PAPPA: variants seen among roughly 807,000 people sequenced by gnomAD.
PAPPA encodes pappalysin-1.
Under a neutral mutation model 164.0 loss-of-function variants are expected in PAPPA, and 60 were observed. The observed-to-expected ratio is 0.37, with a 90% CI of 0.30 to 0.45. The LOEUF is 0.45. Ranked by LOEUF, PAPPA falls within the 20% of genes least tolerant of loss-of-function variation. The probability of loss-of-function intolerance (pLI) is 1.00; values close to 1 mark genes in which losing one functional copy is unlikely to be tolerated. For synonymous variants in PAPPA, 875 were observed against 814.1 expected (o/e 1.07, Z -1.27); for missense variants, 1,782 against 2,087.3 (o/e 0.85, Z 2.85).
At chr9:116,376,638 A>T (rs1265278424) in intron 19 of PAPPA, among the ~76,000 whole-genome samples, 1 of 152,182 alleles carries the variant, frequency 6.6e-6, no homozygotes, top group Non-Finnish European at 1.5e-5. Context: ...AGTTGTCATT[A>T]TCTTCATCAT....
At chr9:116,254,146 A>G (rs373660486) in intron 7 of PAPPA, among the ~76,000 whole-genome samples, 36 of 152,198 alleles carry the variant, frequency 2.4e-4, no homozygotes, top group Middle Eastern at 3.4e-3. Context: ...TACAGCCCCT[A>G]CATTTTTTAG....
chr9:116,389,665 A>G (rs4836646), intron 21 of PAPPA, among the ~76,000 whole-genome samples: 147,944 of 152,136 alleles, frequency 0.97, 72,061 homozygotes, highest in East Asian at 1. Context: ...TTCTTTGGCT[A>G]AGAACCCTCT....
At chr9:116,387,210 A>C (rs1463787562) in intron 21 of PAPPA, among the ~76,000 whole-genome samples, 1 of 152,114 alleles carries the variant, frequency 6.6e-6, no homozygotes, top group Non-Finnish European at 1.5e-5. Context: ...CTCCAGAATA[A>C]TTCAGCCAAG....
intron 2 of PAPPA, among the ~76,000 whole-genome samples, chr9:116,194,097 T>C (rs1844076042): frequency 6.6e-6 from 1 of 152,224 alleles, no homozygotes; most frequent in Non-Finnish European, 1.5e-5. Context: ...TGAAGGTAGA[T>C]GCCACAGTTT....
chr9:116,296,722 A>C (rs1845513094), intron 9 of PAPPA, among the ~76,000 whole-genome samples: 1 of 152,236 alleles, frequency 6.6e-6, no homozygotes, highest in Non-Finnish European at 1.5e-5. Flanking sequence ...TTTCAGGCAG[A>C]GAAAAACAAC....
At chr9:116,246,525 C>T (rs1168404625) in intron 7 of PAPPA, among the ~76,000 whole-genome samples, 1 of 152,030 alleles carries the variant, frequency 6.6e-6, no homozygotes, top group Admixed American at 6.5e-5. Flanking sequence ...AAGAAACTTC[C>T]CTCTGGAAGA....
chr9:116,212,869 G>A (rs186309394), intron 4 of PAPPA, among the ~76,000 whole-genome samples: 4 of 152,186 alleles, frequency 2.6e-5, no homozygotes, highest in South Asian at 2.1e-4. Flanking sequence ...TGTCCAGAAA[G>A]GCCTTTAATA....
rs1332849523 is a variant in PAPPA at position 116,399,968 on chromosome 9, G to A, written c.*3352G>A. On this transcript the variant is annotated 3_prime_UTR_variant, in exon 22 of 22. Transcript: ENST00000328252. ...TTTCAGCTACCTCCCTTCCAGGTTC[G>A]ATTTAACTTGGTTGTAATTGTCAAT... 2 of 152,468 alleles carry A rather than the reference G, an allele frequency of 1.3e-5. No individual in the cohort carries two copies. The highest frequency in any genetic ancestry group is 4.8e-5 in the African/African-American group (2 of 41,408). The allele number at this position is 152,468 out of a possible 1,614,324, so 9.4% of individuals were successfully genotyped here.
intron 1 of PAPPA, among the ~76,000 whole-genome samples, chr9:116,166,018 A>T (rs1054237253): frequency 1.3e-5 from 2 of 152,208 alleles, no homozygotes; most frequent in African/African-American, 4.8e-5. Context: ...TTTTTGTTTA[A>T]TAAATGGATA....
chr9:116,265,830 T>A (rs1193641922), intron 7 of PAPPA, 27 bp from the exon 8 acceptor site: 3 of 1,569,222 alleles, frequency 1.9e-6, no homozygotes, highest in Admixed American at 1.7e-5. Flanking sequence ...TGTAATTGTA[T>A]AATTATGTCT....
chr9:116,246,757 G>A (rs1245318584), intron 7 of PAPPA, among the ~76,000 whole-genome samples: 1 of 152,200 alleles, frequency 6.6e-6, no homozygotes, highest in Non-Finnish European at 1.5e-5. Context: ...GCTCATGCCT[G>A]TAATCCCAAC....
chr9:116,230,624 A>T (rs1844578967), intron 6 of PAPPA, among the ~76,000 whole-genome samples: 1 of 152,228 alleles, frequency 6.6e-6, no homozygotes, highest in South Asian at 2.1e-4. Flanking sequence ...CTAGCAGAAG[A>T]TTCTTCATTT....
At chr9:116,374,173 A>ATGATGATGATGGTGG (rs60100759) in intron 19 of PAPPA, among the ~76,000 whole-genome samples, 5 of 139,520 alleles carry the variant, frequency 3.6e-5, no homozygotes, top group East Asian at 4.2e-4. Context: ...GGTGGTGTTG[A>ATGATGATGATGGTGG]TGATGATGAT....
At position 116,307,925 on chromosome 9, in the gene PAPPA, A is replaced by G. The variant is rs368729655; in HGVS notation, c.3147+4975A>G. 7.2e-5 allele frequency among the ~76,000 whole-genome samples: 11 copies of G among 152,352 alleles called. No individual in the cohort carries two copies. The South Asian group carries it at 2.3e-3, about 32-fold the overall frequency. ...AATGATATCTACCTGGTAGAAATGA[A>G]GGATGCAGAGAAAACACTCTGTGCT... is the stretch of plus-strand genomic sequence containing the variant. On this transcript the variant is annotated intron_variant, in intron 10 of 21. Transcript: ENST00000328252.
Position 116,396,491 on chromosome 9 carries a change from C to A in PAPPA, c.4777-18C>A, listed in dbSNP as rs772038515. The stretch of plus-strand genomic sequence containing the variant: ...CTGCTTCAGACCAAATCACCTGATT[C>A]ACTTCTTCTTTCTGCAGGTCACCCC... On this transcript the variant is annotated intron_variant, in intron 21 of 21. Transcript: ENST00000328252. 3 of 780,482 alleles carry A rather than the reference C, an allele frequency of 3.8e-6. No individual in the cohort carries two copies. The South Asian group carries it at 4.0e-5, about 10-fold the overall frequency. The allele number at this position is 780,482 out of a possible 1,614,324, so 48.3% of individuals were successfully genotyped here.
At chr9:116,228,687 C>T (rs1350530233) in intron 6 of PAPPA, among the ~76,000 whole-genome samples, 1 of 152,148 alleles carries the variant, frequency 6.6e-6, no homozygotes, top group East Asian at 1.9e-4. Flanking sequence ...GCCCTCAGTT[C>T]AGCCTCACAG....
intron 21 of PAPPA, among the ~76,000 whole-genome samples, chr9:116,394,455 C>T (rs1332440465): frequency 6.6e-6 from 1 of 152,242 alleles, no homozygotes; most frequent in South Asian, 2.1e-4. Context: ...ATGAAGCAAA[C>T]AAGGATCCCA....
chr9:116,378,239 C>T lies in PAPPA; in HGVS notation c.4677+592C>T, dbSNP rs1030312750. On this transcript the variant is annotated intron_variant, in intron 20 of 21. Transcript: ENST00000328252. Reference sequence around the variant, plus strand: ...TTCACAGTTGAGCCATTCCTTACAGCTTGGAATTATAGAGATCTGTCTCTG... The same window carrying T: ...TTCACAGTTGAGCCATTCCTTACAGTTTGGAATTATAGAGATCTGTCTCTG... Among the ~76,000 whole-genome samples, 4 of 152,284 alleles carry T rather than the reference C, an allele frequency of 2.6e-5. No homozygotes were observed. The South Asian group carries it at 8.3e-4, about 32-fold the overall frequency.
At position 116,332,369 on chromosome 9, in the gene PAPPA, A is replaced by C; in HGVS notation, c.3298A>C (p.Ile1100Leu). Reference protein sequence around the residue: ...FSQPMVAAAVIVHLVTDGTYY... With the variant: ...FSQPMVAAAVLVHLVTDGTYY... The stretch of plus-strand genomic sequence containing the variant: ...TCAACCAATGGTTGCCGCAGCTGTC[A>C]TTGTCCACCTGGTGACGGATGGGAC... The change falls in exon 12 of 22, where the codon ATT (isoleucine) becomes CTT (leucine). Residue 1100 changes from isoleucine (I) to leucine (L), a missense_variant. Physicochemically the swap from Ile to Leu is conservative, Grantham distance 5. Coordinates refer to ENST00000328252, the MANE Select transcript of PAPPA (RefSeq NM_002581.5). 1 of 1,613,948 alleles carries C rather than the reference A, an allele frequency of 6.2e-7. No individual in the cohort carries two copies.
Sources: gnomAD v4.1 joint callset for allele counts (sites outside exome capture counted in the v4.1 genomes callset) on GRCh38, gnomAD v4.1.1 for gene constraint, MANE v1.5 for transcripts, NCBI Gene and HGNC (gene_info 2026-07-23, HGNC 2026-07-21) for gene names.